RNLS: variants seen among roughly 807,000 people sequenced by gnomAD.
RNLS encodes the protein renalase, FAD dependent amine oxidase.
Under a neutral mutation model 39.8 loss-of-function variants are expected in RNLS, and 39 were observed. That is an observed-to-expected ratio of 0.98 (90% CI 0.76 to 1.28). RNLS has a LOEUF of 1.28. Among genes scored for constraint, RNLS ranks in the 50% most tolerant of loss-of-function variants. The probability of loss-of-function intolerance (pLI) is 0.00; values close to 1 mark genes in which losing one functional copy is unlikely to be tolerated. For synonymous variants in RNLS, 147 were observed against 150.7 expected (o/e 0.98, Z 0.18); for missense variants, 410 against 413.3 (o/e 0.99, Z 0.07).
the RNLS span, among the ~76,000 whole-genome samples, chr10:88,246,161 T>A: frequency 6.6e-6 from 1 of 152,172 alleles, no homozygotes; most frequent in African/African-American, 2.4e-5. Flanking sequence ...AGCGGCTTCC[T>A]CACTACACAT....
At chr10:88,350,595 T>A (rs900371429) in intron 5 of RNLS, among the ~76,000 whole-genome samples, 3 of 152,176 alleles carry the variant, frequency 2.0e-5, no homozygotes, top group Non-Finnish European at 4.4e-5. Flanking sequence ...TATTCCATGG[T>A]GTATATGTGC....
intron 3 of RNLS, among the ~76,000 whole-genome samples, chr10:88,575,213 T>A (rs1850124821): frequency 2.0e-5 from 2 of 98,090 alleles, no homozygotes; most frequent in Non-Finnish European, 3.7e-5. Flanking sequence ...TATATGTGTG[T>A]GTATATATAT....
intron 4 of RNLS, among the ~76,000 whole-genome samples, chr10:88,505,165 A>G (rs1180385890): frequency 6.6e-6 from 1 of 152,076 alleles, no homozygotes; most frequent in Non-Finnish European, 1.5e-5. Context: ...GATCTAGGGC[A>G]GAAAAAGAAC....
At chr10:88,478,836 C>T (rs1843972171) in intron 4 of RNLS, among the ~76,000 whole-genome samples, 1 of 152,060 alleles carries the variant, frequency 6.6e-6, no homozygotes, top group Non-Finnish European at 1.5e-5. Flanking sequence ...ACTAATTTAC[C>T]TTTTTTTCTT....
chr10:88,348,118 T>C (rs1483255881), intron 5 of RNLS, among the ~76,000 whole-genome samples: 1 of 152,092 alleles, frequency 6.6e-6, no homozygotes, highest in Non-Finnish European at 1.5e-5. Context: ...ACATTGGCCA[T>C]CCCTATCTCT....
At chr10:88,397,148 A>T (rs1476232995) in intron 4 of RNLS, among the ~76,000 whole-genome samples, 1 of 152,036 alleles carries the variant, frequency 6.6e-6, no homozygotes. Flanking sequence ...ATTTCACTCA[A>T]TAACAGCAGA....
intron 4 of RNLS, among the ~76,000 whole-genome samples, chr10:88,382,829 G>T (rs1851633970): frequency 6.6e-6 from 1 of 152,052 alleles, no homozygotes; most frequent in Admixed American, 6.5e-5. Flanking sequence ...TGAATAGCCT[G>T]CATTGTAAAA....
chr10:88,232,727 G>T, the RNLS span, among the ~76,000 whole-genome samples: 1 of 152,244 alleles, frequency 6.6e-6, no homozygotes, highest in African/African-American at 2.4e-5. Context: ...GGCCCCTAGT[G>T]ACAGCAGTGG....
chr10:88,401,199 G>A (rs1424266604), intron 4 of RNLS, among the ~76,000 whole-genome samples: 1 of 151,840 alleles, frequency 6.6e-6, no homozygotes, highest in Non-Finnish European at 1.5e-5. Context: ...AAAATCAATT[G>A]AAAAATCAAT....
At chr10:88,443,607 C>T (rs1157766632) in intron 4 of RNLS, among the ~76,000 whole-genome samples, 3 of 152,256 alleles carry the variant, frequency 2.0e-5, no homozygotes, top group Non-Finnish European at 4.4e-5. Context: ...AATCAGGTCA[C>T]TCCCACCCTA....
At chr10:88,450,199 G>A (rs1348118917) in intron 4 of RNLS, among the ~76,000 whole-genome samples, 4 of 152,190 alleles carry the variant, frequency 2.6e-5, no homozygotes, top group Non-Finnish European at 5.9e-5. Flanking sequence ...GAGAGAGAAT[G>A]TCAAAAGATG....
At chr10:88,483,104 T>C (rs958118485) in intron 4 of RNLS, among the ~76,000 whole-genome samples, 3 of 152,180 alleles carry the variant, frequency 2.0e-5, no homozygotes, top group Admixed American at 1.3e-4. Flanking sequence ...CAGCCAATGA[T>C]TGGACTAAGG....
intron 4 of RNLS, among the ~76,000 whole-genome samples, chr10:88,371,765 G>A (rs1850575000): frequency 1.3e-5 from 2 of 152,188 alleles, no homozygotes; most frequent in Middle Eastern, 6.8e-3. Flanking sequence ...TTACACTCGT[G>A]TTTATGGAGA....
chr10:88,217,816 G>A, the RNLS span, among the ~76,000 whole-genome samples: 1 of 149,954 alleles, frequency 6.7e-6, no homozygotes, highest in Non-Finnish European at 1.5e-5. Flanking sequence ...AAAGCGGGTG[G>A]ATCACCTGAG....
intron 6 of RNLS, among the ~76,000 whole-genome samples, chr10:88,291,319 C>G (rs557079858): frequency 6.6e-6 from 1 of 152,314 alleles, no homozygotes; most frequent in Non-Finnish European, 1.5e-5. Flanking sequence ...AAATGAGCAG[C>G]GTCAGGTGAA....
chr10:88,317,477 A>T (rs1326890485), intron 5 of RNLS, among the ~76,000 whole-genome samples: 2 of 152,242 alleles, frequency 1.3e-5, no homozygotes, highest in African/African-American at 4.8e-5. Flanking sequence ...CTCTCAAAGC[A>T]TTAAGACTGA....
intron 4 of RNLS, among the ~76,000 whole-genome samples, chr10:88,389,323 T>TA (rs1162616413): frequency 1.3e-5 from 2 of 152,148 alleles, no homozygotes; most frequent in African/African-American, 4.8e-5. Context: ...TGGGTTTTTT[T>TA]TTGTTATTGT....
intron 4 of RNLS, among the ~76,000 whole-genome samples, chr10:88,387,868 C>T (rs1239878141): frequency 6.6e-6 from 1 of 152,162 alleles, no homozygotes; most frequent in Non-Finnish European, 1.5e-5. Flanking sequence ...GCGGGCAATG[C>T]AGACAGGAGT....
At chr10:88,316,440 C>T (rs548124358) in intron 5 of RNLS, among the ~76,000 whole-genome samples, 16 of 152,250 alleles carry the variant, frequency 1.1e-4, no homozygotes, top group South Asian at 1.0e-3. Context: ...TTCACAGTGA[C>T]GGGGTATCAA....
Sources: allele counts gnomAD v4.1 joint callset (sites outside exome capture counted in the v4.1 genomes callset), GRCh38; gene constraint gnomAD v4.1.1; transcripts MANE v1.5; gene names NCBI Gene and HGNC (gene_info 2026-07-23, HGNC 2026-07-21).